The following THRB variants were observed in gnomAD, a reference collection of about 807,000 sequenced individuals.
THRB encodes the protein nuclear receptor subfamily 1 group A member 2.
Under a neutral mutation model 47.8 loss-of-function variants are expected in THRB, and 12 were observed. The observed-to-expected ratio is 0.25, with a 90% CI of 0.16 to 0.41. The LOEUF is 0.41. Among genes scored for constraint, THRB ranks in the 10% least tolerant of loss-of-function variants. The pLI is 1.00. For synonymous variants in THRB, 218 were observed against 212.2 expected (o/e 1.03, Z -0.24); for missense variants, 348 against 589.2 (o/e 0.59, Z 4.24).
At chr3:24,309,259 A>G (rs938424312) in intron 2 of THRB, among the ~76,000 whole-genome samples, 2 of 152,242 alleles carry the variant, frequency 1.3e-5, no homozygotes, top group African/African-American at 4.8e-5. Flanking sequence ...ATTCATGCAC[A>G]CACACACACA....
At chr3:24,473,794 T>C (rs185914126) in intron 1 of THRB, among the ~76,000 whole-genome samples, 11 of 152,292 alleles carry the variant, frequency 7.2e-5, no homozygotes, top group Admixed American at 3.3e-4. Context: ...TGCAGGGACA[T>C]AGATGAAGCT....
chr3:24,452,091 AAG>A (rs1249385030), intron 1 of THRB, among the ~76,000 whole-genome samples: 1 of 152,216 alleles, frequency 6.6e-6, no homozygotes, highest in African/African-American at 2.4e-5. Flanking sequence ...AGAAATGAGA[AAG>A]AGTCTTGGGG....
chr3:24,242,946 A>C, intron 3 of THRB, among the ~76,000 whole-genome samples: 1 of 152,034 alleles, frequency 6.6e-6, no homozygotes. Context: ...GCCAATGAGC[A>C]AGAGGGGTCA....
At chr3:24,208,153 C>T (rs922491242) in intron 4 of THRB, among the ~76,000 whole-genome samples, 2 of 151,822 alleles carry the variant, frequency 1.3e-5, no homozygotes, top group African/African-American at 4.8e-5. Flanking sequence ...TGTGAAGGAC[C>T]TCTTCAGGGA....
chr3:24,320,786 C>A (rs2058434682), intron 2 of THRB, among the ~76,000 whole-genome samples: 1 of 152,164 alleles, frequency 6.6e-6, no homozygotes, highest in Admixed American at 6.5e-5. Flanking sequence ...AACTTACCCA[C>A]CCAACCCTTG....
intron 5 of THRB, among the ~76,000 whole-genome samples, chr3:24,169,747 T>C (rs984694333): frequency 6.7e-6 from 1 of 148,612 alleles, no homozygotes; most frequent in East Asian, 2.0e-4. Flanking sequence ...TCTCAGTCTA[T>C]ACTCTAGGTC....
chr3:24,266,079 A>G (rs1030606289), intron 3 of THRB, among the ~76,000 whole-genome samples: 2 of 152,230 alleles, frequency 1.3e-5, no homozygotes, highest in African/African-American at 4.8e-5. Flanking sequence ...AACTTTCAAA[A>G]TCTGTTTAGT....
At chr3:24,491,931 C>T (rs776675861) in intron 1 of THRB, among the ~76,000 whole-genome samples, 18 of 152,284 alleles carry the variant, frequency 1.2e-4, no homozygotes, top group Admixed American at 1.3e-4. Flanking sequence ...AGGAGGAACT[C>T]GCAGAAATAG....
At chr3:24,207,734 A>T (rs982605875) in intron 4 of THRB, among the ~76,000 whole-genome samples, 3 of 152,230 alleles carry the variant, frequency 2.0e-5, no homozygotes, top group African/African-American at 7.2e-5. Flanking sequence ...CCCACAGCGA[A>T]TATCATACTG....
intron 4 of THRB, among the ~76,000 whole-genome samples, chr3:24,204,315 A>T (rs996967689): frequency 6.6e-6 from 1 of 152,212 alleles, no homozygotes; most frequent in Non-Finnish European, 1.5e-5. Flanking sequence ...CTTCCAGAGG[A>T]ATGATCAGGC....
At chr3:24,434,014 CT>C (rs35329851) in intron 1 of THRB, among the ~76,000 whole-genome samples, 37,699 of 151,920 alleles carry the variant, frequency 0.25, 5,206 homozygotes, top group East Asian at 0.36. Flanking sequence ...TAAATGCTTT[CT>C]AAGTCCACCC....
chr3:24,371,428 A>T (rs1166370574), intron 1 of THRB, among the ~76,000 whole-genome samples: 2 of 152,158 alleles, frequency 1.3e-5, no homozygotes, highest in African/African-American at 4.8e-5. Context: ...CTTGAAGTAT[A>T]CTTGATGGAG....
intron 5 of THRB, chr3:24,165,021 C>T (rs2039446857): frequency 1.4e-6 from 1 of 739,144 alleles, no homozygotes; most frequent in Non-Finnish European, 2.5e-6. Context: ...GCAAAATGGT[C>T]CCTACCTTTT....
chr3:24,303,432 A>G (rs1166797564), intron 2 of THRB, among the ~76,000 whole-genome samples: 7 of 152,118 alleles, frequency 4.6e-5, no homozygotes, highest in African/African-American at 1.4e-4. Flanking sequence ...AGTTTTTCCA[A>G]TGTTCTAGTA....
chr3:24,402,671 C>T (rs1011372907), intron 1 of THRB, among the ~76,000 whole-genome samples: 2 of 151,904 alleles, frequency 1.3e-5, no homozygotes, highest in Admixed American at 6.6e-5. Flanking sequence ...CTAAAAGATA[C>T]TACCATTTAT....
rs139549728 is a variant in THRB at position 24,414,666 on chromosome 3, G to A, written c.-260-77295C>T. On this transcript the variant is annotated intron_variant, in intron 1 of 10. Coordinates refer to ENST00000646209, the MANE Select transcript of THRB (RefSeq NM_001354712.2). ...GAATACCGAAATCTGCAACAGCCAC[G>A]TAATTCCTATACTAAATGATCACTT... Among the ~76,000 whole-genome samples the A allele has an allele frequency of 1.9e-3, 291 of 151,874 alleles. 1 individual carries two copies. The highest frequency in any genetic ancestry group is 6.5e-3 in the African/African-American group (270 of 41,502).
intron 1 of THRB, among the ~76,000 whole-genome samples, chr3:24,402,080 G>C (rs372591730): frequency 6.6e-6 from 1 of 151,950 alleles, no homozygotes. Context: ...GTAAAGTCTG[G>C]GACAGGTTTT....
At chr3:24,420,230 A>C (rs1444569356) in intron 1 of THRB, among the ~76,000 whole-genome samples, 1 of 151,918 alleles carries the variant, frequency 6.6e-6, no homozygotes, top group African/African-American at 2.4e-5. Context: ...AAAAACAAAA[A>C]TATGGGGCCA....
At position 24,188,877 on chromosome 3, in the gene THRB, A is replaced by ATATATATATATATT. The variant is rs2042970230; in HGVS notation, c.283+1196_283+1197insAATATATATATATA. 1.4e-5 allele frequency among the ~76,000 whole-genome samples: 2 copies of ATATATATATATATT among 141,990 alleles called. 1 individual carries two copies. Among genetic ancestry groups the ATATATATATATATT allele is most frequent in the African/African-American group, 5.4e-5 (2 of 36,704 alleles). 93.2% of individuals were successfully genotyped at this position (141,990 alleles called of 152,430 possible). Reference sequence around the variant, plus strand: ...TCCTCAAATATATATATATATATATATATATATGAGAGAAAGAGAGTCCAA... The same window carrying ATATATATATATATT: ...TCCTCAAATATATATATATATATATATATATATATATATTTATATATGAGAGAAAGAGAGTCCAA... On this transcript the variant is annotated intron_variant, in intron 5 of 10. Coordinates refer to ENST00000646209, the MANE Select transcript of THRB (RefSeq NM_001354712.2).
Sources: allele counts gnomAD v4.1 joint callset (sites outside exome capture counted in the v4.1 genomes callset), GRCh38; gene constraint gnomAD v4.1.1; transcripts MANE v1.5; gene names NCBI Gene and HGNC (gene_info 2026-07-23, HGNC 2026-07-21).